PTPRD: variants seen among roughly 807,000 people sequenced by gnomAD.
PTPRD encodes protein tyrosine phosphatase receptor type D, also known as receptor-type tyrosine-protein phosphatase delta.
Under a neutral mutation model 214.5 loss-of-function variants are expected in PTPRD, and 34 were observed. The observed-to-expected ratio is 0.16, with a 90% CI of 0.12 to 0.21. The LOEUF (loss-of-function observed/expected upper bound fraction) is 0.21, where lower values mean the gene tolerates loss of function less well. Ranked by LOEUF, PTPRD falls within the 10% of genes least tolerant of loss-of-function variation. The probability of loss-of-function intolerance (pLI) is 1.00; values close to 1 mark genes in which losing one functional copy is unlikely to be tolerated. For synonymous variants in PTPRD, 1,128 were observed against 845.7 expected (o/e 1.33, Z -5.79); for missense variants, 2,545 against 2,398.7 (o/e 1.06, Z -1.27).
chr9:8,557,455 T>TATATATATATATATATATATACATAC, intron 14 of PTPRD, among the ~76,000 whole-genome samples: 1 of 135,640 alleles, frequency 7.4e-6, no homozygotes, highest in East Asian at 2.1e-4. Context: ...TATATATATA[T>TATATATATATATATATATATACATAC]ATTTGGGCCG....
chr9:9,803,904 T>A (rs553676332), intron 5 of PTPRD: 84 of 152,166 alleles, frequency 5.5e-4, no homozygotes, highest in African/African-American at 1.9e-3. Context: ...ATACAAGAGA[T>A]CTAGATTTTG....
chr9:8,495,785 T>C (rs2097251927), intron 26 of PTPRD, among the ~76,000 whole-genome samples: 1 of 152,208 alleles, frequency 6.6e-6, no homozygotes, highest in South Asian at 2.1e-4. Context: ...GGCAATCCCA[T>C]GAGAACTGAT....
chr9:10,280,543 G>C (rs917591036), intron 3 of PTPRD, among the ~76,000 whole-genome samples: 2 of 152,142 alleles, frequency 1.3e-5, no homozygotes, highest in Middle Eastern at 3.2e-3. Context: ...AACACACGAA[G>C]ATCCTGTTAC....
chr9:9,808,278 A>G (rs112573723), intron 5 of PTPRD, among the ~76,000 whole-genome samples: 3 of 152,284 alleles, frequency 2.0e-5, no homozygotes, highest in African/African-American at 4.8e-5. Flanking sequence ...AAGTCCCTAC[A>G]TCTTCCTCAG....
At chr9:8,382,830 C>T (rs1160627919) in intron 37 of PTPRD, among the ~76,000 whole-genome samples, 1 of 152,186 alleles carries the variant, frequency 6.6e-6, no homozygotes, top group Non-Finnish European at 1.5e-5. Flanking sequence ...AAAGCAGTTT[C>T]TGTTGCCCTA....
intron 11 of PTPRD, among the ~76,000 whole-genome samples, chr9:8,783,556 T>C (rs2095823358): frequency 6.6e-6 from 1 of 152,216 alleles, no homozygotes; most frequent in Non-Finnish European, 1.5e-5. Context: ...GTTACATAAC[T>C]TGTCAACGGT....
At chr9:9,637,031 T>C (rs780196134) in intron 7 of PTPRD, among the ~76,000 whole-genome samples, 7 of 152,176 alleles carry the variant, frequency 4.6e-5, no homozygotes, top group Non-Finnish European at 8.8e-5. Context: ...CCCTTTTTAA[T>C]GGAATTCATT....
intron 8 of PTPRD, among the ~76,000 whole-genome samples, chr9:9,536,963 G>A (rs141415895): frequency 2.2e-4 from 34 of 152,066 alleles, no homozygotes; most frequent in East Asian, 1.9e-4. Flanking sequence ...AGCTAAGTAC[G>A]TATCAGCCTT....
chr9:9,865,359 T>G (rs1445484921), intron 5 of PTPRD, among the ~76,000 whole-genome samples: 3 of 152,206 alleles, frequency 2.0e-5, no homozygotes, highest in Non-Finnish European at 4.4e-5. Context: ...GATTAATCTA[T>G]TCCCAGATTA....
At chr9:9,113,964 T>C (rs777926433) in intron 10 of PTPRD, among the ~76,000 whole-genome samples, 1 of 152,168 alleles carries the variant, frequency 6.6e-6, no homozygotes, top group Non-Finnish European at 1.5e-5. Context: ...GGTCTGTTGA[T>C]GGAAGGAGCT....
At chr9:9,793,037 G>A (rs1488305936) in intron 5 of PTPRD, among the ~76,000 whole-genome samples, 3 of 152,076 alleles carry the variant, frequency 2.0e-5, no homozygotes, top group Non-Finnish European at 4.4e-5. Context: ...GCACAAAAAT[G>A]ACCTTGTAAC....
intron 7 of PTPRD, among the ~76,000 whole-genome samples, chr9:9,630,482 G>A (rs1331458595): frequency 6.6e-6 from 1 of 152,184 alleles, no homozygotes; most frequent in Admixed American, 6.5e-5. Flanking sequence ...GACGGAAGGG[G>A]AGGAAAGGAG....
intron 40 of PTPRD, 50 bp from the exon 41 acceptor site, chr9:8,341,318 CA>C: frequency 6.6e-7 from 1 of 1,526,424 alleles, no homozygotes; most frequent in Non-Finnish European, 8.8e-7. Flanking sequence ...AGATCATTTT[CA>C]CCTACAGTTT....
chr9:9,043,407 C>T (rs958257726), intron 10 of PTPRD, among the ~76,000 whole-genome samples: 1 of 152,074 alleles, frequency 6.6e-6, no homozygotes, highest in Non-Finnish European at 1.5e-5. Flanking sequence ...ATACAGGGTT[C>T]AATATTTGTC....
intron 2 of PTPRD, among the ~76,000 whole-genome samples, chr9:10,387,820 CT>C (rs58959929): frequency 0.12 from 10,211 of 82,408 alleles, 286 homozygotes; most frequent in East Asian, 0.35. Context: ...AAGATTTTGT[CT>C]TTTTTTTTTT....
chr9:8,522,836 TA>T (rs761729271), intron 19 of PTPRD, among the ~76,000 whole-genome samples: 13 of 152,194 alleles, frequency 8.5e-5, no homozygotes, highest in Middle Eastern at 3.2e-3. Context: ...ATACATTTAA[TA>T]AAGATTTTTT....
chr9:9,414,635 A>C (rs1008306216), intron 8 of PTPRD: 1 of 152,182 alleles, frequency 6.6e-6, no homozygotes, highest in East Asian at 1.9e-4. Flanking sequence ...GTGTTGCAAG[A>C]TTAGAACCAT....
At chr9:9,625,553 A>ATTTTTTT (rs61688647) in intron 7 of PTPRD, among the ~76,000 whole-genome samples, 3 of 142,872 alleles carry the variant, frequency 2.1e-5, no homozygotes, top group Non-Finnish European at 3.1e-5. Context: ...TTGTTCCTCT[A>ATTTTTTT]TTTTTTTTTT....
At chr9:10,131,393 C>G (rs947141064) in intron 3 of PTPRD, among the ~76,000 whole-genome samples, 3 of 152,094 alleles carry the variant, frequency 2.0e-5, no homozygotes, top group Non-Finnish European at 4.4e-5. Flanking sequence ...GAGTATTCAA[C>G]CATTCCACAT....
Sources: allele counts gnomAD v4.1 joint callset (sites outside exome capture counted in the v4.1 genomes callset), GRCh38; gene constraint gnomAD v4.1.1; transcripts MANE v1.5; gene names NCBI Gene and HGNC (gene_info 2026-07-23, HGNC 2026-07-21).